THSD7B: variants seen among roughly 807,000 people sequenced by gnomAD.
THSD7B encodes the protein thrombospondin type-1 domain-containing protein 7B.
In THSD7B, 138 loss-of-function variants were observed where a neutral mutation model predicts 213.6. The ratio of observed to expected loss-of-function variants is 0.65; its 90% CI spans 0.56 to 0.74. The LOEUF is 0.74. THSD7B is among the 30% of genes least tolerant of loss of function. THSD7B has a pLI of 0.00. For synonymous variants in THSD7B, 742 were observed against 687.0 expected (o/e 1.08, Z -1.25); for missense variants, 1,931 against 1,991.5 (o/e 0.97, Z 0.58).
At chr2:136,967,134 G>T (rs527332878) in intron 2 of THSD7B, among the ~76,000 whole-genome samples, 1 of 152,086 alleles carries the variant, frequency 6.6e-6, no homozygotes, top group Non-Finnish European at 1.5e-5. Flanking sequence ...ACTGAAAAAA[G>T]CATTTCTTAG....
intron 3 of THSD7B, among the ~76,000 whole-genome samples, chr2:137,089,889 C>T (rs1371528544): frequency 6.6e-6 from 1 of 151,938 alleles, no homozygotes; most frequent in Non-Finnish European, 1.5e-5. Context: ...CACCTGTAGT[C>T]CCAGCTACTT....
intron 15 of THSD7B, among the ~76,000 whole-genome samples, chr2:137,528,274 A>G (rs1178309653): frequency 6.6e-6 from 1 of 152,040 alleles, no homozygotes; most frequent in Non-Finnish European, 1.5e-5. Flanking sequence ...AAGGAGGAGG[A>G]GTCAGACAGC....
chr2:136,860,961 G>C (rs1429980), intron 1 of THSD7B, among the ~76,000 whole-genome samples: 146,830 of 152,362 alleles, frequency 0.96, 71,017 homozygotes, highest in South Asian at 1. Context: ...ACTTACTGTT[G>C]GTTTTGCCTA....
At chr2:136,840,301 C>T (rs913576912) in intron 1 of THSD7B, among the ~76,000 whole-genome samples, 4 of 152,096 alleles carry the variant, frequency 2.6e-5, no homozygotes, top group Non-Finnish European at 5.9e-5. Context: ...ATCACTTGAA[C>T]CCTGGAGGTG....
At chr2:137,284,892 G>T (rs1683131462) in intron 12 of THSD7B, among the ~76,000 whole-genome samples, 1 of 152,156 alleles carries the variant, frequency 6.6e-6, no homozygotes, top group African/African-American at 2.4e-5. Flanking sequence ...TTGGGGTGGA[G>T]AGTTCTGTAG....
At chr2:137,329,353 C>A (rs1217181143) in intron 12 of THSD7B, among the ~76,000 whole-genome samples, 1 of 152,106 alleles carries the variant, frequency 6.6e-6, no homozygotes, top group Admixed American at 6.6e-5. Context: ...TTTAGGGTAT[C>A]TGGTAGAAGA....
At chr2:137,527,583 G>C (rs1680302174) in intron 15 of THSD7B, among the ~76,000 whole-genome samples, 1 of 152,006 alleles carries the variant, frequency 6.6e-6, no homozygotes, top group Non-Finnish European at 1.5e-5. Flanking sequence ...TTATTTTGAA[G>C]AATCATGTGT....
intron 12 of THSD7B, among the ~76,000 whole-genome samples, chr2:137,311,476 T>C (rs1013301080): frequency 6.6e-6 from 1 of 152,100 alleles, no homozygotes; most frequent in African/African-American, 2.4e-5. Context: ...CTTCCTCTTT[T>C]CCTAATTGAA....
chr2:137,053,130 C>T (rs927098186), intron 2 of THSD7B, among the ~76,000 whole-genome samples: 1 of 152,128 alleles, frequency 6.6e-6, no homozygotes, highest in Non-Finnish European at 1.5e-5. Flanking sequence ...TAATTGTTTA[C>T]ATACTGCCTT....
intron 2 of THSD7B, among the ~76,000 whole-genome samples, chr2:136,974,915 T>C (rs1685455895): frequency 6.6e-6 from 1 of 152,160 alleles, no homozygotes; most frequent in Non-Finnish European, 1.5e-5. Flanking sequence ...CATTATATTT[T>C]ATTGTGGTTT....
At chr2:137,350,506 G>T (rs1377650927) in intron 12 of THSD7B, among the ~76,000 whole-genome samples, 1 of 151,816 alleles carries the variant, frequency 6.6e-6, no homozygotes, top group African/African-American at 2.4e-5. Flanking sequence ...GAGGAGAGGA[G>T]GGGGATCATG....
chr2:137,405,128 A>G (rs1381688876), intron 12 of THSD7B, among the ~76,000 whole-genome samples: 1 of 152,022 alleles, frequency 6.6e-6, no homozygotes, highest in African/African-American at 2.4e-5. Context: ...ATGTTTATTT[A>G]CAGACAGCAG....
At chr2:137,048,888 C>T (rs1687014274) in intron 2 of THSD7B, among the ~76,000 whole-genome samples, 1 of 152,148 alleles carries the variant, frequency 6.6e-6, no homozygotes, top group Admixed American at 6.5e-5. Context: ...GAAGTCAATA[C>T]CTAGGCTTTC....
intron 7 of THSD7B, among the ~76,000 whole-genome samples, chr2:137,214,484 C>T (rs1249384976): frequency 6.6e-6 from 1 of 151,964 alleles, no homozygotes; most frequent in Non-Finnish European, 1.5e-5. Flanking sequence ...GCAGAACGTG[C>T]AGGTTTGTTA....
intron 12 of THSD7B, among the ~76,000 whole-genome samples, chr2:137,315,062 T>C (rs1459941986): frequency 2.0e-5 from 3 of 151,888 alleles, no homozygotes; most frequent in African/African-American, 2.4e-5. Context: ...GCTGCTTTGT[T>C]TACCTAAGCA....
chr2:137,304,164 C>T (rs1298990871), intron 12 of THSD7B, among the ~76,000 whole-genome samples: 1 of 152,022 alleles, frequency 6.6e-6, no homozygotes, highest in Non-Finnish European at 1.5e-5. Context: ...CATAGTATTC[C>T]ATGGTGTATA....
At chr2:137,456,139 A>C (rs974734082) in intron 15 of THSD7B, among the ~76,000 whole-genome samples, 1 of 152,198 alleles carries the variant, frequency 6.6e-6, no homozygotes, top group Non-Finnish European at 1.5e-5. Flanking sequence ...TGTTCTCTAG[A>C]AGCAGCTGCT....
At chr2:137,663,233 T>C in intron 25 of THSD7B, 150 bp from the exon 26 acceptor site, 1 of 530,576 alleles carries the variant, frequency 1.9e-6, no homozygotes, top group Admixed American at 4.2e-5. Context: ...AACTATGTAT[T>C]TGATTTTCAT....
At chr2:137,229,609 T>C (rs938081503) in intron 7 of THSD7B, among the ~76,000 whole-genome samples, 1 of 152,198 alleles carries the variant, frequency 6.6e-6, no homozygotes, top group Non-Finnish European at 1.5e-5. Flanking sequence ...GCTTGTTTTA[T>C]TGACTTCCTC....
Sources: gnomAD v4.1 joint callset for allele counts (sites outside exome capture counted in the v4.1 genomes callset) on GRCh38, gnomAD v4.1.1 for gene constraint, MANE v1.5 for transcripts, NCBI Gene and HGNC (gene_info 2026-07-23, HGNC 2026-07-21) for gene names.